The following SLC22A14 variants were observed in gnomAD, a reference collection of about 807,000 sequenced individuals.
SLC22A14 encodes the protein solute carrier family 22 member 14.
SLC22A14 carries 50 observed loss-of-function variants against 53.9 expected under a neutral mutation model. That is an observed-to-expected ratio of 0.93 (90% CI 0.74 to 1.17). The LOEUF is 1.17. Ranked by LOEUF, SLC22A14 falls within the 50% of genes most tolerant of loss-of-function variation. SLC22A14 has a pLI of 0.00. For missense variants in SLC22A14, 671 were observed against 734.7 expected, an observed-to-expected ratio of 0.91 and a Z score of 1.00; for synonymous variants, 312 against 303.0, an observed-to-expected ratio of 1.03 and a Z score of -0.31.
At chr3:38,310,636 A>G (rs904379006) in intron 5 of SLC22A14, among the ~76,000 whole-genome samples, 10 of 152,230 alleles carry the variant, frequency 6.6e-5, no homozygotes, top group African/African-American at 2.2e-4. Flanking sequence ...TTCAAATACC[A>G]TCACTCTCAG....
chr3:38,305,663 C>A, intron 1 of SLC22A14: 1 of 208,014 alleles, frequency 4.8e-6, no homozygotes, highest in Non-Finnish European at 9.7e-6. Flanking sequence ...GAAAAGGTCC[C>A]TAGAGACCTC....
chr3:38,292,898 T>A (rs919498315), intron 1 of SLC22A14, among the ~76,000 whole-genome samples: 6 of 152,162 alleles, frequency 3.9e-5, no homozygotes, highest in Non-Finnish European at 8.8e-5. Flanking sequence ...ACTTAGTGGC[T>A]GGGAGAAGTA....
intron 10 of SLC22A14, among the ~76,000 whole-genome samples, chr3:38,317,111 C>T (rs905430604): frequency 1.8e-4 from 28 of 152,216 alleles, no homozygotes; most frequent in African/African-American, 4.8e-4. Context: ...TCTGGGTTTT[C>T]GGCCAATGAA....
At chr3:38,279,207 A>G (rs1004605904), upstream of SLC22A14, among the ~76,000 whole-genome samples, 29 of 152,224 alleles carry the variant, frequency 1.9e-4, no homozygotes, top group African/African-American at 5.8e-4. Flanking sequence ...CAAAAGCTCT[A>G]TTTAGCTTCC....
In SLC22A14 at chr3:38,307,603, G is replaced by T. The variant is rs755316837; in HGVS notation, c.658G>T (p.Gly220Trp). 3 of 1,614,166 alleles carry T rather than the reference G, an allele frequency of 1.9e-6. No individual in the cohort carries two copies. Among genetic ancestry groups the T allele is most frequent in the East Asian group, 4.5e-5 (2 of 44,888 alleles). The change falls in exon 4 of 11, where the codon GGG (glycine) becomes TGG (tryptophan). Residue 220 changes from glycine (G) to tryptophan (W), a missense_variant. Gly to Trp is a radical substitution (Grantham distance 184, BLOSUM62 -2). Coordinates refer to ENST00000448498, the MANE Select transcript of SLC22A14 (RefSeq NM_001320033.2). This position sits in a 1 kb window ranked among gnomAD's most constrained non-coding sequence, Gnocchi z 4.4. ...CCCTGCCATCCTGCTGTCACTGCTG[G>T]GGCTGATCATCTTCGGCTTTGGGAC... The part of the protein sequence containing the change: ...RYPAILLSLL[G>W]LIIFGFGTAF...
intron 10 of SLC22A14, among the ~76,000 whole-genome samples, chr3:38,317,205 G>A (rs1340863282): frequency 6.6e-6 from 1 of 152,208 alleles, no homozygotes; most frequent in Non-Finnish European, 1.5e-5. Context: ...TCTGCTCTGT[G>A]CCACAGCAGT....
chr3:38,292,823 A>G (rs1418392855), intron 1 of SLC22A14, among the ~76,000 whole-genome samples: 1 of 152,154 alleles, frequency 6.6e-6, no homozygotes, highest in African/African-American at 2.4e-5. Context: ...TCTCCCTAAC[A>G]AGGAAATGGG....
chr3:38,313,633 T>C, intron 7 of SLC22A14, 94 bp from the exon 8 acceptor site: 1 of 962,562 alleles, frequency 1.0e-6, no homozygotes. Context: ...CCTCCGTTCC[T>C]ACCCTGACCC....
chr3:38,309,814 G>A (rs181077807), intron 5 of SLC22A14, among the ~76,000 whole-genome samples: 28 of 152,330 alleles, frequency 1.8e-4, no homozygotes, highest in African/African-American at 6.0e-4. Context: ...GAACCCACGT[G>A]TGAAGGGTTA....
intron 5 of SLC22A14, 101 bp from the exon 6 acceptor site, chr3:38,312,898 C>A: frequency 6.8e-7 from 1 of 1,469,694 alleles, no homozygotes; most frequent in Non-Finnish European, 9.3e-7. Flanking sequence ...TGAATCACCT[C>A]ATGCTGGCAC....
rs1336898548 is a variant in SLC22A14, at chr3:38,318,357, A to C, written c.*108A>C. ...TTCAATAAAGAGGAAGCAAACAGCC[A>C]GGCTCCCTGAGGGCCAGGCCCCCAG... On this transcript the variant is annotated 3_prime_UTR_variant, in exon 11 of 11. Transcript: ENST00000448498. 2.9e-6 allele frequency: 3 copies of C among 1,042,468 alleles called. No homozygotes were observed. Among genetic ancestry groups the C allele is most frequent in the Non-Finnish European group, 3.0e-6 (2 of 665,560 alleles). The allele number at this position is 1,042,468 out of a possible 1,614,324, so 64.6% of individuals were successfully genotyped here. A position where few individuals can be genotyped will look rare whatever the true frequency, so the allele number is the denominator to read the frequency against.
At position 38,316,356 on chromosome 3, in the gene SLC22A14, C is replaced by T. The variant is rs114208565; in HGVS notation, c.1565C>T (p.Ser522Leu). The part of the protein sequence containing the change: ...ATGLGLVSLA[S>L]VAGAILSLTI... ...GGTCTGGGGCTGGTGTCTCTGGCCT[C>T]GGTGGCTGGAGCCATCTTGTCCCTG... Residue 522 changes from serine to leucine, a missense_variant, in exon 10 of 11, where the codon TCG becomes TTG. Transcript: ENST00000448498. 2.8e-4 allele frequency: 455 copies of T among 1,614,184 alleles called. No homozygotes were observed. The highest frequency in any genetic ancestry group is 1.5e-3 in the Middle Eastern group (9 of 6,062).
intron 1 of SLC22A14, among the ~76,000 whole-genome samples, chr3:38,290,211 G>T (rs1431077907): frequency 6.6e-6 from 1 of 152,200 alleles, no homozygotes; most frequent in African/African-American, 2.4e-5. Flanking sequence ...CTCAAGTGCT[G>T]TTGGGGAGGT....
At chr3:38,288,384 G>A (rs1241147682) in intron 1 of SLC22A14, among the ~76,000 whole-genome samples, 8 of 152,186 alleles carry the variant, frequency 5.3e-5, no homozygotes, top group Admixed American at 5.2e-4. Flanking sequence ...GAACAATGCT[G>A]CTGTGAACAT....
chr3:38,294,107 T>C (rs983447807), intron 1 of SLC22A14, among the ~76,000 whole-genome samples: 1 of 151,816 alleles, frequency 6.6e-6, no homozygotes, highest in African/African-American at 2.4e-5. Flanking sequence ...GGAGGGGGCA[T>C]AATAGGGAAA....
chr3:38,289,803 G>A (rs1188290534), intron 1 of SLC22A14, among the ~76,000 whole-genome samples: 4 of 152,186 alleles, frequency 2.6e-5, no homozygotes, highest in Admixed American at 6.6e-5. Context: ...AGTGGTGGAC[G>A]GCAAGCGAAA....
chr3:38,290,110 T>C (rs7646810), intron 1 of SLC22A14, among the ~76,000 whole-genome samples: 89,036 of 151,952 alleles, frequency 0.59, 26,378 homozygotes, highest in South Asian at 0.65. Flanking sequence ...AAGGTGGATA[T>C]GGTCACCTTC....
chr3:38,315,814 A>G lies in SLC22A14; in HGVS notation c.1532+103A>G, dbSNP rs562696487. ...GACAAGCATTCACCTGGTGACAAGC[A>G]CTGTGCTAAACAGTTTACATAAGTG... On this transcript the variant is annotated intron_variant, in intron 9 of 10. Coordinates refer to ENST00000448498, the MANE Select transcript of SLC22A14 (RefSeq NM_001320033.2). 2.8e-5 allele frequency: 33 copies of G among 1,190,896 alleles called. No homozygotes were observed. The East Asian group carries it at 7.3e-4, about 26-fold the overall frequency. 73.8% of individuals were successfully genotyped at this position (1,190,896 alleles called of 1,614,324 possible). A position where few individuals can be genotyped will look rare whatever the true frequency, so the allele number is the denominator to read the frequency against.
intron 1 of SLC22A14, among the ~76,000 whole-genome samples, chr3:38,297,122 G>A (rs1704057437): frequency 6.6e-6 from 1 of 152,184 alleles, no homozygotes; most frequent in Admixed American, 6.5e-5. Context: ...CCCTCCCTCT[G>A]TGCTCTCAGG....
Sources: gnomAD v4.1 joint callset for allele counts (sites outside exome capture counted in the v4.1 genomes callset) on GRCh38, gnomAD v4.1.1 for gene constraint, Gnocchi (gnomAD v3.1) non-coding constraint, MANE v1.5 for transcripts, NCBI Gene and HGNC (gene_info 2026-07-23, HGNC 2026-07-21) for gene names.